Variants in MORN1 observed in about 807,000 individuals in gnomAD.
MORN1 encodes the protein MORN repeat-containing protein 1.
In MORN1, 67 loss-of-function variants were observed where a neutral mutation model predicts 61.9. That is an observed-to-expected ratio of 1.08 (90% CI 0.89 to 1.33). The LOEUF is 1.33. Among genes scored for constraint, MORN1 ranks in the 40% most tolerant of loss-of-function variants. MORN1 has a pLI of 0.00. For missense variants in MORN1, 752 were observed against 691.2 expected (o/e 1.09, Z -0.99); for synonymous variants, 301 against 292.0 (o/e 1.03, Z -0.31).
At chr1:2,345,018 G>A (rs1181050820) in intron 10 of MORN1, among the ~76,000 whole-genome samples, 2 of 152,024 alleles carry the variant, frequency 1.3e-5, no homozygotes, top group Non-Finnish European at 2.9e-5. Flanking sequence ...GGGTCCACGC[G>A]TGCTCACAGC....
intron 8 of MORN1, among the ~76,000 whole-genome samples, chr1:2,361,570 T>G (rs1032966472): frequency 6.6e-6 from 1 of 151,272 alleles, no homozygotes; most frequent in African/African-American, 2.4e-5. Context: ...AATTAACAAA[T>G]AAATAAATAA....
intron 6 of MORN1, chr1:2,378,783 T>C (rs1056853959): frequency 7.9e-6 from 3 of 377,834 alleles, no homozygotes; most frequent in Non-Finnish European, 1.6e-5. Context: ...CCTCGGGTCC[T>C]GGGAGGTCGA....
chr1:2,345,974 A>ACCTCAGACAAAGCCACCAGGAACCTT (rs1305274674), intron 10 of MORN1, among the ~76,000 whole-genome samples: 10 of 150,146 alleles, frequency 6.7e-5, no homozygotes, highest in Middle Eastern at 3.4e-3. Context: ...CTGTGATGAG[A>ACCTCAGACAAAGCCACCAGGAACCTT]CCTCAGACAA....
Position 2,337,525 on chromosome 1 carries a change from C to T in MORN1, c.1037-675G>A, listed in dbSNP as rs981448172. Among the ~76,000 whole-genome samples, 1 of 152,222 alleles carries T rather than the reference C, an allele frequency of 6.6e-6. No homozygotes were observed. The highest frequency in any genetic ancestry group is 2.4e-5 in the African/African-American group (1 of 41,450). On this transcript the variant is annotated intron_variant, in intron 10 of 13. Transcript: ENST00000378531. The surrounding 1 kb of genome is among the most constrained non-coding windows in gnomAD (Gnocchi z 5.7). ...TCCCAGGGTGCGAGGTATGGGGGCTCCCCTCTGGCTTCCCCCACGCACAGA... is the reference window on the plus strand; with the variant it reads ...TCCCAGGGTGCGAGGTATGGGGGCTTCCCTCTGGCTTCCCCCACGCACAGA...
chr1:2,339,823 A>AAC (rs1298197794), intron 10 of MORN1, among the ~76,000 whole-genome samples: 1 of 152,154 alleles, frequency 6.6e-6, no homozygotes, highest in East Asian at 1.9e-4. Context: ...CTGGGCCAGA[A>AAC]ACACCACACA....
intron 10 of MORN1, among the ~76,000 whole-genome samples, chr1:2,353,975 G>A (rs2843129): frequency 0.84 from 127,550 of 152,300 alleles, 53,873 homozygotes; most frequent in African/African-American, 0.95. Context: ...TACGGATTAC[G>A]TAAAGAAGGG....
At chr1:2,332,844 CAGAG>C (rs1641188301) in intron 12 of MORN1, 1 of 406,760 alleles carries the variant, frequency 2.5e-6, no homozygotes, top group Non-Finnish European at 5.0e-6. Context: ...CCCAGGGTCT[CAGAG>C]GGGCCCCCAG....
At chr1:2,324,024 C>A in intron 13 of MORN1, 73 bp downstream of exon 13, 1 of 1,510,572 alleles carries the variant, frequency 6.6e-7, no homozygotes, top group Non-Finnish European at 8.9e-7. Context: ...ACCCCACCTC[C>A]AGCCCTGGGC....
At chr1:2,323,788 C>T (rs1640935825) in intron 13 of MORN1, 2 of 985,188 alleles carry the variant, frequency 2.0e-6, no homozygotes, top group Non-Finnish European at 2.4e-6. Flanking sequence ...CCCCTTGGAC[C>T]CCAAGGCCTC....
rs1335368535 is a variant in MORN1, at chr1:2,334,199, C to T, written c.1250+2270G>A. On this transcript the variant is annotated intron_variant, in intron 12 of 13. Coordinates refer to ENST00000378531, the MANE Select transcript of MORN1 (RefSeq NM_024848.3). The surrounding 1 kb of genome is among the most constrained non-coding windows in gnomAD (Gnocchi z 5.4). ...GTCCTGGAAGAGGTCGTGAGGTCGA[C>T]GCCCCGGTCAGCCACAGTTGAGGGC... 2.6e-5 allele frequency among the ~76,000 whole-genome samples: 4 copies of T among 151,716 alleles called. No individual in the cohort carries two copies. The highest frequency in any genetic ancestry group is 4.4e-5 in the Non-Finnish European group (3 of 67,926).
At chr1:2,348,787 G>T (rs576276875) in intron 10 of MORN1, among the ~76,000 whole-genome samples, 1 of 144,754 alleles carries the variant, frequency 6.9e-6, no homozygotes, top group South Asian at 2.1e-4. Context: ...GCACACACAC[G>T]CACGCACACG....
rs534279840 is a variant in MORN1, at chr1:2,341,836, C to G, written c.1037-4986G>C. ...CCGTCAGTGGAGATCCTCTCTTCCC[C>G]GTCTGAGTGGTGCCCGCCAGCCCGA... On this transcript the variant is annotated intron_variant, in intron 10 of 13. Transcript: ENST00000378531. Among the ~76,000 whole-genome samples, 6 of 152,400 alleles carry G rather than the reference C, an allele frequency of 3.9e-5. No homozygotes were observed. The South Asian group carries it at 1.0e-3, about 26-fold the overall frequency.
chr1:2,323,765 G>A, intron 13 of MORN1: 1 of 985,320 alleles, frequency 1.0e-6, no homozygotes, highest in Non-Finnish European at 1.2e-6. Context: ...GGCCTTGACA[G>A]CTCCCCTCGG....
chr1:2,327,908 A>C (rs1641071721), intron 12 of MORN1, among the ~76,000 whole-genome samples: 1 of 152,200 alleles, frequency 6.6e-6, no homozygotes, highest in Non-Finnish European at 1.5e-5. Context: ...TGGTCTTGGC[A>C]ACCCCCTTAC....
chr1:2,376,590 G>A (rs12070746), intron 6 of MORN1: 11,919 of 152,252 alleles, frequency 0.078, 543 homozygotes, highest in East Asian at 0.13. Context: ...TGCAGAGCCC[G>A]CCTTTGGGGT....
In MORN1 at chr1:2,334,647, C is replaced by A. The variant is rs1239358654; in HGVS notation, c.1250+1822G>T. Reference sequence around the variant, plus strand: ...TGGCCGCTGGTCACAGATGTGTGCCCCGAAGAGACGACATCATTTGAACAC... The same window carrying A: ...TGGCCGCTGGTCACAGATGTGTGCCACGAAGAGACGACATCATTTGAACAC... On this transcript the variant is annotated intron_variant, in intron 12 of 13. Transcript: ENST00000378531. The surrounding 1 kb of genome is among the most constrained non-coding windows in gnomAD (Gnocchi z 5.4). Among the ~76,000 whole-genome samples, 2 of 152,164 alleles carry A rather than the reference C, an allele frequency of 1.3e-5. No individual in the cohort carries two copies. The highest frequency in any genetic ancestry group is 4.8e-5 in the African/African-American group (2 of 41,442).
intron 10 of MORN1, chr1:2,351,450 G>A (rs765991318): frequency 6.0e-6 from 1 of 165,966 alleles, no homozygotes; most frequent in Non-Finnish European, 1.3e-5. Context: ...GTCGGTTGGT[G>A]CACTTGCGGG....
At chr1:2,382,203 G>A (rs1325563707) in intron 6 of MORN1, among the ~76,000 whole-genome samples, 1 of 152,152 alleles carries the variant, frequency 6.6e-6, no homozygotes, top group Non-Finnish European at 1.5e-5. Context: ...GCCCTGTCTG[G>A]CAGCAGGCGG....
At chr1:2,369,043 C>T (rs1486385826) in intron 8 of MORN1, among the ~76,000 whole-genome samples, 1 of 142,856 alleles carries the variant, frequency 7.0e-6, no homozygotes, top group Admixed American at 7.2e-5. Context: ...GACAATAAAG[C>T]AAGACCCAGT....
Sources: gnomAD v4.1 joint callset for allele counts (sites outside exome capture counted in the v4.1 genomes callset) on GRCh38, gnomAD v4.1.1 for gene constraint, Gnocchi (gnomAD v3.1) non-coding constraint, MANE v1.5 for transcripts, NCBI Gene and HGNC (gene_info 2026-07-23, HGNC 2026-07-21) for gene names.